MARCHF1: variants seen among roughly 807,000 people sequenced by gnomAD.
MARCHF1 encodes the protein membrane associated ring-CH-type finger 1, also known as E3 ubiquitin-protein ligase MARCHF1.
Under a neutral mutation model 54.2 loss-of-function variants are expected in MARCHF1, and 40 were observed. The ratio of observed to expected loss-of-function variants is 0.74; its 90% CI spans 0.57 to 0.96. MARCHF1 has a LOEUF of 0.96. MARCHF1 is among the 40% of genes least tolerant of loss of function. The pLI is 0.00. For missense variants in MARCHF1, 586 were observed against 656.5 expected (o/e 0.89, Z 1.17); for synonymous variants, 236 against 236.3 (o/e 1.00, Z 0.01).
At chr4:163,924,971 G>T (rs954517810) in intron 3 of MARCHF1, among the ~76,000 whole-genome samples, 2 of 151,644 alleles carry the variant, frequency 1.3e-5, no homozygotes, top group Non-Finnish European at 3.0e-5. Flanking sequence ...CATCAGAGTG[G>T]CTTTTCTCAT....
chr4:164,331,244 C>T (rs1735426479), intron 1 of MARCHF1, among the ~76,000 whole-genome samples: 1 of 151,774 alleles, frequency 6.6e-6, no homozygotes, highest in Non-Finnish European at 1.5e-5. Context: ...AACAGTGGCT[C>T]ATTCAAAATA....
intron 4 of MARCHF1, among the ~76,000 whole-genome samples, chr4:163,722,664 A>C (rs1380118300): frequency 1.3e-5 from 2 of 152,158 alleles, no homozygotes; most frequent in African/African-American, 4.8e-5. Flanking sequence ...TGGGAGTCTA[A>C]ATCTCTTTGT....
chr4:163,615,281 T>A (rs1161674327), intron 5 of MARCHF1, among the ~76,000 whole-genome samples: 1 of 152,068 alleles, frequency 6.6e-6, no homozygotes, highest in African/African-American at 2.4e-5. Context: ...GGAATTATTT[T>A]AAAAGCTTAA....
At position 163,717,624 on chromosome 4, in the gene MARCHF1, A is replaced by G. The variant is rs1234864356; in HGVS notation, c.112-16761T>C. Among the ~76,000 whole-genome samples the G allele has an allele frequency of 1.2e-4, 19 of 152,168 alleles. No homozygotes were observed. The East Asian group carries it at 2.1e-3, about 17-fold the overall frequency. On this transcript the variant is annotated intron_variant, in intron 4 of 9. Coordinates refer to ENST00000514618, the MANE Select transcript of MARCHF1 (RefSeq NM_001394959.1). ...TTACAGTCCCACCAACAGTGTAAAA[A>G]TGTTCCTATTTCTCCACATCCTCTC...
At position 163,525,216 on chromosome 4, in the gene MARCHF1, T is replaced by C. The variant is rs1001870811; in HGVS notation, c.*3532A>G. The C allele has an allele frequency of 2.6e-5, 4 of 152,182 alleles. No individual in the cohort carries two copies. The highest frequency in any genetic ancestry group is 7.2e-5 in the African/African-American group (3 of 41,448). 9.4% of individuals were successfully genotyped at this position (152,182 alleles called of 1,614,324 possible). A position where few individuals can be genotyped will look rare whatever the true frequency, so the allele number is the denominator to read the frequency against. On this transcript the variant is annotated 3_prime_UTR_variant, in exon 10 of 10. Coordinates refer to ENST00000514618, the MANE Select transcript of MARCHF1 (RefSeq NM_001394959.1). ...CACCTCAGCCCCAGGACCCTTATAA[T>C]GTCCCTTAATGGTGTCATTGTTCTA...
intron 3 of MARCHF1, among the ~76,000 whole-genome samples, chr4:163,972,704 GGC>G (rs1476182997): frequency 7.2e-6 from 1 of 138,656 alleles, no homozygotes; most frequent in East Asian, 2.4e-4. Context: ...CCGCCACCAT[GGC>G]CGGCTAATTT....
At chr4:164,325,244 G>A (rs1041363398) in intron 1 of MARCHF1, among the ~76,000 whole-genome samples, 5 of 151,148 alleles carry the variant, frequency 3.3e-5, no homozygotes, top group African/African-American at 1.2e-4. Flanking sequence ...TGACTCTAAA[G>A]AGAGTTGCTA....
intron 1 of MARCHF1, among the ~76,000 whole-genome samples, chr4:164,343,080 T>C (rs1729974890): frequency 6.6e-6 from 1 of 152,148 alleles, no homozygotes; most frequent in Non-Finnish European, 1.5e-5. Flanking sequence ...ATGTTTATAG[T>C]TAATAATAAT....
intron 4 of MARCHF1, among the ~76,000 whole-genome samples, chr4:163,823,948 T>A (rs866120635): frequency 1.3e-5 from 2 of 151,880 alleles, no homozygotes; most frequent in African/African-American, 2.4e-5. Context: ...ATATTACCTT[T>A]TTATAAAAAT....
chr4:163,764,220 C>A lies in MARCHF1; in HGVS notation c.112-63357G>T, dbSNP rs544500585. On this transcript the variant is annotated intron_variant, in intron 4 of 9. Transcript: ENST00000514618. ...AAAAACACCAGGTCTCAGTAACTTA[C>A]AAATTTTGAAGAACGAAGGAAAAAG... 2.0e-4 allele frequency among the ~76,000 whole-genome samples: 30 copies of A among 152,100 alleles called. No homozygotes were observed. The South Asian group carries it at 6.2e-3, about 32-fold the overall frequency.
chr4:164,199,380 G>GCCTGTAATC (rs1378062540), intron 1 of MARCHF1, among the ~76,000 whole-genome samples: 3 of 152,068 alleles, frequency 2.0e-5, no homozygotes, highest in African/African-American at 7.2e-5. Context: ...GGTGGCTCAC[G>GCCTGTAATC]CCTGTAATCC....
At chr4:163,720,614 T>A (rs1403623338) in intron 4 of MARCHF1, among the ~76,000 whole-genome samples, 2 of 152,232 alleles carry the variant, frequency 1.3e-5, no homozygotes, top group Non-Finnish European at 2.9e-5. Flanking sequence ...TAAATTACCT[T>A]GGGCAGTATG....
chr4:163,994,781 A>T (rs1753039693), intron 2 of MARCHF1, among the ~76,000 whole-genome samples: 1 of 55,720 alleles, frequency 1.8e-5, no homozygotes. Context: ...ACACACACAC[A>T]CACACACACA....
At chr4:163,601,867 T>C (rs879699649) in intron 7 of MARCHF1, among the ~76,000 whole-genome samples, 15 of 152,092 alleles carry the variant, frequency 9.9e-5, no homozygotes, top group South Asian at 4.1e-4. Flanking sequence ...AGTGACTGTT[T>C]AGCTAAATTA....
chr4:163,756,933 CTTTAAA>C (rs60038142), intron 4 of MARCHF1, among the ~76,000 whole-genome samples: 4,459 of 151,968 alleles, frequency 0.029, 166 homozygotes, highest in African/African-American at 0.094. Context: ...TTTCAAAAGG[CTTTAAA>C]TTTATTTCTT....
intron 7 of MARCHF1, among the ~76,000 whole-genome samples, chr4:163,609,513 C>T (rs1741253627): frequency 6.6e-6 from 1 of 151,904 alleles, no homozygotes; most frequent in African/African-American, 2.4e-5. Flanking sequence ...CAGGATAGTT[C>T]CATCTCCTAA....
chr4:163,584,857 T>C (rs1740355300), intron 8 of MARCHF1: 1 of 152,210 alleles, frequency 6.6e-6, no homozygotes, highest in African/African-American at 2.4e-5. Context: ...AAAAAGCAAC[T>C]CTGGGATGAT....
chr4:163,924,865 T>C (rs967837009), intron 3 of MARCHF1, among the ~76,000 whole-genome samples: 2 of 151,872 alleles, frequency 1.3e-5, no homozygotes, highest in Non-Finnish European at 2.9e-5. Flanking sequence ...AGCAGCAACA[T>C]GGTAAATGAT....
chr4:163,929,128 C>T (rs1751600240), intron 3 of MARCHF1, among the ~76,000 whole-genome samples: 1 of 151,976 alleles, frequency 6.6e-6, no homozygotes, highest in Non-Finnish European at 1.5e-5. Context: ...ATCAAACTTT[C>T]ATTGTAACTT....
Sources: gnomAD v4.1 joint callset for allele counts (sites outside exome capture counted in the v4.1 genomes callset) on GRCh38, gnomAD v4.1.1 for gene constraint, MANE v1.5 for transcripts, NCBI Gene and HGNC (gene_info 2026-07-23, HGNC 2026-07-21) for gene names.